Variants in MXRA5 observed in about 807,000 individuals in gnomAD.
MXRA5 encodes matrix remodeling associated 5, also known as matrix-remodeling-associated protein 5.
In MXRA5, 41 loss-of-function variants were observed where a neutral mutation model predicts 112.5. The observed-to-expected ratio is 0.36, with a 90% CI of 0.28 to 0.47. The LOEUF is 0.47. Ranked by LOEUF, MXRA5 falls within the 20% of genes least tolerant of loss-of-function variation. The pLI is 0.99. For missense variants in MXRA5, 2,150 were observed against 2,251.0 expected (o/e 0.96, Z 0.91); for synonymous variants, 862 against 900.8 (o/e 0.96, Z 0.77).
chrX:3,341,176 A>ATTATATTATG (rs1921938855), intron 2 of MXRA5, among the ~76,000 whole-genome samples: 1 of 53,265 alleles, frequency 1.9e-5, no homozygotes, highest in African/African-American at 7.5e-5. Context: ...TATATACATA[A>ATTATATTATG]TATATATAAT....
intron 1 of MXRA5, among the ~76,000 whole-genome samples, chrX:3,345,266 C>T (rs1922079944): frequency 8.8e-6 from 1 of 113,212 alleles, no homozygotes; most frequent in Non-Finnish European, 1.9e-5. Context: ...CTTCAGCTGC[C>T]CATAAAGAAC....
Position 3,322,289 on chromosome X carries a change from T to C in MXRA5, c.3396A>G (p.Pro1132=). ...DKDTTTATTT[P]RQKVAPSSTM... ...TGGATGACGGAGCAACTTTTTGCCT[T>C]GGTGTTGTTGTTGCTGTTGTGGTGT... Residue 1132 remains proline, a synonymous_variant, in exon 5 of 7, where the codon CCA becomes CCG. Coordinates refer to ENST00000217939, the MANE Select transcript of MXRA5 (RefSeq NM_015419.4). 8.3e-7 allele frequency: 1 copy of C among 1,207,947 alleles called. No homozygotes were observed. Among genetic ancestry groups the C allele is most frequent in the Non-Finnish European group, 1.1e-6 (1 of 893,312 alleles).
chrX:3,316,903 T>C (rs1453107258), intron 6 of MXRA5, among the ~76,000 whole-genome samples, 200 bp downstream of exon 6: 1 of 111,098 alleles, frequency 9.0e-6, no homozygotes, highest in Admixed American at 9.5e-5. Context: ...CTCGAACTCC[T>C]GACCTCAAGT....
rs776716433 is a variant in MXRA5, at chrX:3,323,574, A to G, written c.2111T>C (p.Met704Thr). Reference sequence around the variant, plus strand: ...CCTTGAAGTGTTCTCTTCATCTCCCATGCCCGAGCCCCCTTCATCCTCCAC... The same window carrying G: ...CCTTGAAGTGTTCTCTTCATCTCCCGTGCCCGAGCCCCCTTCATCCTCCAC... ...DIVEDEGGSG[M>T]GDEENTSRRL... The change falls in exon 5 of 7, where the codon ATG becomes ACG. Residue 704 changes from methionine (M) to threonine (T), a missense_variant. Met to Thr is a moderately conservative substitution (Grantham distance 81). Coordinates refer to ENST00000217939, the MANE Select transcript of MXRA5 (RefSeq NM_015419.4). 1.7e-6 allele frequency: 2 copies of G among 1,210,190 alleles called. No homozygotes were observed. Among genetic ancestry groups the G allele is most frequent in the Admixed American group, 2.2e-5 (1 of 45,873 alleles).
intron 2 of MXRA5, among the ~76,000 whole-genome samples, chrX:3,341,196 T>TATACATAA (rs1921941433): frequency 3.8e-5 from 2 of 52,328 alleles, no homozygotes; most frequent in Non-Finnish European, 6.5e-5. Context: ...TATATAATTA[T>TATACATAA]TATATATAAT....
At chrX:3,344,216 T>C (rs1183425242) in intron 1 of MXRA5, among the ~76,000 whole-genome samples, 1 of 110,209 alleles carries the variant, frequency 9.1e-6, no homozygotes, top group Non-Finnish European at 1.9e-5. Flanking sequence ...GTATCCATAA[T>C]TAAAAAATAA....
intron 2 of MXRA5, among the ~76,000 whole-genome samples, chrX:3,342,948 G>T (rs1922022820): frequency 1.8e-5 from 2 of 112,411 alleles, no homozygotes; most frequent in African/African-American, 3.2e-5. Flanking sequence ...TTAATCAGTT[G>T]TTCTGGGGAT....
intron 5 of MXRA5, among the ~76,000 whole-genome samples, chrX:3,319,747 T>A (rs1921244592): frequency 9.0e-6 from 1 of 111,240 alleles, no homozygotes; most frequent in Non-Finnish European, 1.9e-5. Context: ...AATGGGATCA[T>A]TTGTGCCCCA....
chrX:3,335,489 G>C (rs935208510), intron 2 of MXRA5, among the ~76,000 whole-genome samples: 4 of 112,530 alleles, frequency 3.6e-5, no homozygotes, highest in African/African-American at 1.3e-4. Flanking sequence ...GAGTCACTGC[G>C]CCTGGCCGCC....
rs755563678 is a variant in MXRA5, at chrX:3,309,431, C to T, written c.*285G>A. The T allele has an allele frequency of 3.0e-6, 1 of 331,927 alleles. No homozygotes were observed. The highest frequency in any genetic ancestry group is 5.2e-6 in the Non-Finnish European group (1 of 192,320). 27.4% of individuals were successfully genotyped at this position (331,927 alleles called of 1,213,427 possible). On this transcript the variant is annotated 3_prime_UTR_variant, in exon 7 of 7. Transcript: ENST00000217939. ...TATGAAGGCAGTCGAGTGGCATTTG[C>T]AAAAAAAGAAAAATTGCAGTCAGAG...
chrX:3,312,739 A>AT (rs1921006884), intron 6 of MXRA5, among the ~76,000 whole-genome samples: 1 of 105,552 alleles, frequency 9.5e-6, no homozygotes, highest in African/African-American at 3.5e-5. Context: ...AGTTTTTTTT[A>AT]TTTTTTATTT....
chrX:3,315,333 TATAG>T (rs72153952), intron 6 of MXRA5, among the ~76,000 whole-genome samples: 7,575 of 31,979 alleles, frequency 0.24, 1,407 homozygotes, highest in East Asian at 0.34. Context: ...GATAGATAGA[TATAG>T]ATAGATAGAT....
At position 3,324,237 on chromosome X, in the gene MXRA5, C is replaced by G; in HGVS notation, c.1448G>C (p.Gly483Ala). Residue 483 changes from glycine (G) to alanine (A), a missense_variant, in exon 5 of 7, where the codon GGA becomes GCA. Around this residue, in one of 6 missense-constraint regions of MXRA5, gnomAD observed 386 missense variants for 411.0 expected, o/e 0.94. Transcript: ENST00000217939. The part of the protein sequence containing the change: ...GRSWVMIEPS[G>A]AVQRDQTVLE... Reference sequence around the variant, plus strand: ...GACAGTCTGATCTCTTTGCACAGCTCCACTAGGCTCAATCATTACCCAGCT... The same window carrying G: ...GACAGTCTGATCTCTTTGCACAGCTGCACTAGGCTCAATCATTACCCAGCT... The G allele has an allele frequency of 8.3e-7, 1 of 1,211,760 alleles. No homozygotes were observed. Among genetic ancestry groups the G allele is most frequent in the Non-Finnish European group, 1.1e-6 (1 of 895,482 alleles).
intron 4 of MXRA5, among the ~76,000 whole-genome samples, chrX:3,327,936 C>T (rs1351964421): frequency 8.8e-6 from 1 of 113,153 alleles, no homozygotes; most frequent in Non-Finnish European, 1.9e-5. Context: ...TAGACATGCA[C>T]ACACAAAGAC....
chrX:3,339,189 C>G (rs1010247356), intron 2 of MXRA5, among the ~76,000 whole-genome samples: 4 of 111,194 alleles, frequency 3.6e-5, no homozygotes, highest in Middle Eastern at 4.2e-3. Context: ...AAGTCTGGGA[C>G]GGGCTCCACA....
intron 2 of MXRA5, among the ~76,000 whole-genome samples, chrX:3,343,077 C>T (rs753043407): frequency 1.8e-5 from 2 of 112,290 alleles, no homozygotes; most frequent in Non-Finnish European, 3.7e-5. Flanking sequence ...ACACAACCCT[C>T]GTGTGTATAA....
At position 3,322,217 on chromosome X, in the gene MXRA5, TCTC is replaced by T. The variant is rs939355592; in HGVS notation, c.3465_3467del (p.Arg1156del). On this transcript the variant is annotated inframe_deletion, in exon 5 of 7. Coordinates refer to ENST00000217939, the MANE Select transcript of MXRA5 (RefSeq NM_015419.4). ...GGTGGCGGAATTTGTTGGGGCGTAA[TCTC>T]CTTCTCCCGTTGGGTCTCCTTCGAG... is the stretch of plus-strand genomic sequence containing the variant. The T allele has an allele frequency of 1.7e-6, 2 of 1,190,301 alleles. No homozygotes were observed. The highest frequency in any genetic ancestry group is 1.9e-5 in the South Asian group (1 of 52,798).
At chrX:3,329,556 G>A (rs1375901480) in intron 4 of MXRA5, among the ~76,000 whole-genome samples, 1 of 88,938 alleles carries the variant, frequency 1.1e-5, no homozygotes, top group African/African-American at 3.9e-5. Context: ...TAGCTCTCTA[G>A]ATCAATAGTG....
intron 4 of MXRA5, among the ~76,000 whole-genome samples, chrX:3,329,683 C>A (rs1921617067): frequency 9.0e-6 from 1 of 111,628 alleles, no homozygotes; most frequent in African/African-American, 3.3e-5. Flanking sequence ...AGCCCCTTCC[C>A]AGTCCCAGTT....
Sources: allele counts gnomAD v4.1 joint callset (sites outside exome capture counted in the v4.1 genomes callset), GRCh38; gene constraint gnomAD v4.1.1; regional missense constraint gnomAD v4.1.1; transcripts MANE v1.5; gene names NCBI Gene and HGNC (gene_info 2026-07-23, HGNC 2026-07-21).